Variants in NXN observed in about 807,000 individuals in gnomAD.
The protein encoded by NXN is nucleoredoxin.
NXN carries 16 observed loss-of-function variants against 48.6 expected under a neutral mutation model. The ratio of observed to expected loss-of-function variants is 0.33; its 90% CI spans 0.22 to 0.50. NXN has a LOEUF of 0.50. NXN is among the 20% of genes least tolerant of loss of function. The pLI is 0.98. For missense variants in NXN, 492 were observed against 605.5 expected (o/e 0.81, Z 1.97); for synonymous variants, 281 against 269.6 (o/e 1.04, Z -0.41).
intron 1 of NXN, among the ~76,000 whole-genome samples, chr17:836,964 T>TATC (rs1464482870): frequency 3.0e-5 from 2 of 65,876 alleles, no homozygotes; most frequent in Non-Finnish European, 6.6e-5. Context: ...GCTTAGTTGC[T>TATC]ATTATTATTA....
rs78631993 is a variant in NXN, at chr17:900,862, G to A, written c.361-74784C>T. On this transcript the variant is annotated intron_variant, in intron 1 of 7. Transcript: ENST00000336868. ...GGCTGGAAGCATCTTCTGGGAGGCA[G>A]GGGAGTTTTGAGAGAAAAGTGTGGA... is the stretch of plus-strand genomic sequence containing the variant. 1.6e-3 allele frequency among the ~76,000 whole-genome samples: 236 copies of A among 151,718 alleles called. 2 individuals are homozygous for A. Among genetic ancestry groups the A allele is most frequent in the African/African-American group, 4.8e-3 (199 of 41,414 alleles).
intron 1 of NXN, among the ~76,000 whole-genome samples, chr17:854,047 G>C (rs924799322): frequency 6.6e-6 from 1 of 152,004 alleles, no homozygotes; most frequent in African/African-American, 2.4e-5. Flanking sequence ...TGTGTGACTT[G>C]TTGAATCATG....
At chr17:897,523 T>A (rs559775932) in intron 1 of NXN, among the ~76,000 whole-genome samples, 1 of 152,292 alleles carries the variant, frequency 6.6e-6, no homozygotes, top group East Asian at 1.9e-4. Flanking sequence ...CTCATTCACG[T>A]CCGGCATGTT....
Position 932,125 on chromosome 17 carries a change from T to A in NXN, c.360+47194A>T, listed in dbSNP as rs532473857. Among the ~76,000 whole-genome samples, 2 of 152,132 alleles carry A rather than the reference T, an allele frequency of 1.3e-5. No homozygotes were observed. Among genetic ancestry groups the A allele is most frequent in the Non-Finnish European group, 2.9e-5 (2 of 68,024 alleles). ...CACCACTGCACTCCAGCCTGGGCAA[T>A]AGAGCAAGACCCTATCTCAAAAATA... is the stretch of plus-strand genomic sequence containing the variant. On this transcript the variant is annotated intron_variant, in intron 1 of 7. Transcript: ENST00000336868. The surrounding 1 kb of genome is among the most constrained non-coding windows in gnomAD (Gnocchi z 4.1).
chr17:949,876 G>A (rs370759056), intron 1 of NXN, among the ~76,000 whole-genome samples: 5 of 151,580 alleles, frequency 3.3e-5, no homozygotes, highest in Admixed American at 2.0e-4. Context: ...GCATTGTTCA[G>A]CCCCAGCATC....
At chr17:832,474 C>T (rs1237727480) in intron 1 of NXN, among the ~76,000 whole-genome samples, 1 of 152,110 alleles carries the variant, frequency 6.6e-6, no homozygotes, top group Non-Finnish European at 1.5e-5. Flanking sequence ...CGTGAGCCAC[C>T]ATGCCCAGCC....
chr17:968,804 G>T (rs2069337336), intron 1 of NXN, among the ~76,000 whole-genome samples: 1 of 152,066 alleles, frequency 6.6e-6, no homozygotes, highest in Non-Finnish European at 1.5e-5. Flanking sequence ...AGGCGTGGTG[G>T]CGGGCACCTG....
At chr17:859,345 T>C (rs1444632007) in intron 1 of NXN, among the ~76,000 whole-genome samples, 2 of 152,200 alleles carry the variant, frequency 1.3e-5, no homozygotes, top group Non-Finnish European at 2.9e-5. Flanking sequence ...ACTGGAGCGA[T>C]TCCGACTGAG....
At chr17:924,857 C>T (rs1328042955) in intron 1 of NXN, among the ~76,000 whole-genome samples, 2 of 152,236 alleles carry the variant, frequency 1.3e-5, no homozygotes, top group Admixed American at 6.5e-5. Flanking sequence ...CTGCGAAACT[C>T]CCATCACTCA....
chr17:864,208 G>A, intron 1 of NXN: 2 of 1,160,940 alleles, frequency 1.7e-6, no homozygotes, highest in South Asian at 1.8e-5. Flanking sequence ...AAGGGCACAG[G>A]ATGGGCATTC....
At chr17:898,149 CA>C (rs1434929937) in intron 1 of NXN, among the ~76,000 whole-genome samples, 1 of 152,164 alleles carries the variant, frequency 6.6e-6, no homozygotes, top group African/African-American at 2.4e-5. Context: ...CAGGGTTTCT[CA>C]ACCTCAGCAC....
intron 1 of NXN, among the ~76,000 whole-genome samples, chr17:871,284 C>T (rs925197464): frequency 1.3e-5 from 2 of 152,084 alleles, no homozygotes; most frequent in Non-Finnish European, 2.9e-5. Flanking sequence ...GGGTTAGAAC[C>T]TGGTCACTGT....
chr17:812,999 T>C (rs1912248155), intron 5 of NXN, among the ~76,000 whole-genome samples: 5 of 151,866 alleles, frequency 3.3e-5, no homozygotes, highest in Non-Finnish European at 7.4e-5. Context: ...AATGTAGGTG[T>C]TTGCATGTGT....
chr17:805,482 G>A (rs1049548892), intron 5 of NXN, among the ~76,000 whole-genome samples: 8 of 152,154 alleles, frequency 5.3e-5, no homozygotes, highest in African/African-American at 1.4e-4. Flanking sequence ...TGTCACCTTC[G>A]CCTTTCAGGG....
chr17:848,162 G>C (rs2067885612), intron 1 of NXN, among the ~76,000 whole-genome samples: 1 of 151,710 alleles, frequency 6.6e-6, no homozygotes, highest in Non-Finnish European at 1.5e-5. Context: ...TTTTGAGACG[G>C]AGTCCTGCCG....
chr17:887,168 C>G (rs2663321), intron 1 of NXN, among the ~76,000 whole-genome samples: 14,518 of 152,026 alleles, frequency 0.095, 880 homozygotes, highest in South Asian at 0.23. Context: ...TCACCCGCCT[C>G]AACCTTCCAA....
intron 1 of NXN, among the ~76,000 whole-genome samples, chr17:975,124 T>C (rs929933373): frequency 6.6e-6 from 1 of 152,172 alleles, no homozygotes; most frequent in Non-Finnish European, 1.5e-5. Flanking sequence ...ACACCCGGCC[T>C]GCTCCTAACT....
chr17:951,827 A>G (rs1304727000), intron 1 of NXN, among the ~76,000 whole-genome samples: 1 of 152,118 alleles, frequency 6.6e-6, no homozygotes, highest in Non-Finnish European at 1.5e-5. Flanking sequence ...ACAGGGGCAG[A>G]GAGGACGGGA....
chr17:819,385 C>T, intron 5 of NXN, 54 bp downstream of exon 5: 2 of 1,265,536 alleles, frequency 1.6e-6, no homozygotes, highest in African/African-American at 1.5e-5. Flanking sequence ...ACACGGTGAG[C>T]TCAGGTGAGC....
Sources: allele counts gnomAD v4.1 joint callset (sites outside exome capture counted in the v4.1 genomes callset), GRCh38; gene constraint gnomAD v4.1.1; non-coding constraint Gnocchi (gnomAD v3.1); transcripts MANE v1.5; gene names NCBI Gene and HGNC (gene_info 2026-07-23, HGNC 2026-07-21).